PDE4D: variants seen among roughly 807,000 people sequenced by gnomAD.
PDE4D encodes 3',5'-cyclic-AMP phosphodiesterase 4D.
Under a neutral mutation model 87.4 loss-of-function variants are expected in PDE4D, and 24 were observed. The observed-to-expected ratio is 0.27, with a 90% confidence interval of 0.20 to 0.39. The LOEUF (loss-of-function observed/expected upper bound fraction) is 0.39, where lower values mean the gene tolerates loss of function less well. Among genes scored for constraint, PDE4D ranks in the 10% least tolerant of loss-of-function variants. The probability of loss-of-function intolerance (pLI) is 1.00; values close to 1 mark genes in which losing one functional copy is unlikely to be tolerated. For missense variants in PDE4D, 714 were observed against 1,041.0 expected, an observed-to-expected ratio of 0.69 and a Z score of 4.32; for synonymous variants, 384 against 383.2, an observed-to-expected ratio of 1.00 and a Z score of -0.02.
chr5:59,933,594 T>C (rs940659084), intron 3 of PDE4D, among the ~76,000 whole-genome samples: 8 of 152,194 alleles, frequency 5.3e-5, no homozygotes, highest in African/African-American at 1.7e-4. Flanking sequence ...TATTCTTACA[T>C]TCATTTGATA....
intron 1 of PDE4D, among the ~76,000 whole-genome samples, chr5:60,205,979 A>G (rs1480808326): frequency 6.6e-6 from 1 of 152,242 alleles, no homozygotes; most frequent in African/African-American, 2.4e-5. Context: ...CAAACTGCAC[A>G]GTATTCAACT....
chr5:59,002,063 C>T (rs767697866), intron 6 of PDE4D: 40 of 516,336 alleles, frequency 7.7e-5, no homozygotes, highest in Non-Finnish European at 1.4e-4. Context: ...TATTCCTTAC[C>T]ATTACCCCTC....
chr5:59,473,288 G>C (rs571760631), intron 1 of PDE4D, among the ~76,000 whole-genome samples: 3 of 152,088 alleles, frequency 2.0e-5, no homozygotes, highest in African/African-American at 7.2e-5. Flanking sequence ...TCTAATCAAA[G>C]CTTTAATTCT....
In PDE4D at chr5:59,295,243, T is replaced by A. The variant is rs1307539712; in HGVS notation, c.456-79275A>T. On this transcript the variant is annotated intron_variant, in intron 1 of 14. Transcript: ENST00000340635. The stretch of plus-strand genomic sequence containing the variant: ...ACTATTGACTAATAAACTTTTCTAA[T>A]AATCTTCAATTTTATTTTAATAAAA... 2.0e-5 allele frequency among the ~76,000 whole-genome samples: 3 copies of A among 152,224 alleles called. No individual in the cohort carries two copies. In the East Asian group the frequency reaches 5.8e-4, roughly 29 times the overall value.
At chr5:59,253,426 G>C (rs186491058) in intron 1 of PDE4D, among the ~76,000 whole-genome samples, 1 of 151,980 alleles carries the variant, frequency 6.6e-6, no homozygotes, top group African/African-American at 2.4e-5. Flanking sequence ...AATTGGATGC[G>C]GTACTTGTTC....
At chr5:58,992,576 A>T (rs1487450103) in intron 7 of PDE4D, among the ~76,000 whole-genome samples, 3 of 152,174 alleles carry the variant, frequency 2.0e-5, no homozygotes, top group African/African-American at 7.2e-5. Flanking sequence ...ATAGTGAGAT[A>T]AGGGTTAAAT....
In PDE4D at chr5:59,528,731, G is replaced by A. The variant is rs2153678288; in HGVS notation, c.456-312763C>T. The A allele has an allele frequency of 2.4e-5, 4 of 166,442 alleles. No homozygotes were observed. The Admixed American group carries it at 2.5e-4, about 10-fold the overall frequency. 10.3% of individuals were successfully genotyped at this position (166,442 alleles called of 1,614,324 possible). On this transcript the variant is annotated intron_variant, in intron 1 of 14. Coordinates refer to ENST00000340635, the MANE Select transcript of PDE4D (RefSeq NM_001104631.2). The stretch of plus-strand genomic sequence containing the variant: ...GTCTAATGGGGAGTCACTAGAAAAG[G>A]AAAGAGATGTGATGGTATAATGGTA...
At chr5:60,383,188 G>A (rs1466332154) in intron 1 of PDE4D, among the ~76,000 whole-genome samples, 1 of 152,070 alleles carries the variant, frequency 6.6e-6, no homozygotes, top group African/African-American at 2.4e-5. Flanking sequence ...CAAATGAAAT[G>A]AATGCACTAA....
rs188323294 is a variant in PDE4D, at chr5:60,425,406, A to G, written c.-90+62536T>C. Among the ~76,000 whole-genome samples, 148 of 152,322 alleles carry G rather than the reference A, an allele frequency of 9.7e-4. 2 individuals carry two copies. The highest frequency in any genetic ancestry group is 3.5e-3 in the African/African-American group (146 of 41,562). On this transcript the variant is annotated intron_variant, in intron 1 of 16. Coordinates refer to the PDE4D transcript ENST00000502484. ...CATCTACAACCATCTGGTCTTTGAC[A>G]AACCTGACAAAAACAAGAAATGGGG...
chr5:59,224,701 T>C (rs2153513314), intron 1 of PDE4D, among the ~76,000 whole-genome samples: 1 of 152,182 alleles, frequency 6.6e-6, no homozygotes, highest in East Asian at 1.9e-4. Context: ...CTAGAATTCA[T>C]ATGTTAAACG....
At chr5:58,976,709 G>T (rs1006518873) in intron 12 of PDE4D, among the ~76,000 whole-genome samples, 4 of 152,092 alleles carry the variant, frequency 2.6e-5, no homozygotes, top group Non-Finnish European at 5.9e-5. Flanking sequence ...CCACTTTCAT[G>T]GTGAAAAATG....
At chr5:59,402,810 T>C (rs1423565084) in intron 1 of PDE4D, among the ~76,000 whole-genome samples, 5 of 152,030 alleles carry the variant, frequency 3.3e-5, no homozygotes, top group Non-Finnish European at 7.4e-5. Flanking sequence ...TCTAACTGAC[T>C]TTCTATTATG....
At chr5:59,574,091 T>TAAAA (rs1822532846) in intron 1 of PDE4D, among the ~76,000 whole-genome samples, 1 of 5,688 alleles carries the variant, frequency 1.8e-4, no homozygotes, top group African/African-American at 4.3e-4. Context: ...TATTTATATA[T>TAAAA]ATAAATATAT....
intron 2 of PDE4D, among the ~76,000 whole-genome samples, chr5:60,178,789 A>G (rs573483659): frequency 1.2e-4 from 18 of 152,252 alleles, no homozygotes; most frequent in Admixed American, 2.6e-4. Context: ...TAATACATTT[A>G]TCTAAAAGCC....
At chr5:59,707,541 C>T (rs1375483514) in intron 1 of PDE4D, among the ~76,000 whole-genome samples, 1 of 152,034 alleles carries the variant, frequency 6.6e-6, no homozygotes, top group African/African-American at 2.4e-5. Context: ...GGGGTACATG[C>T]ACGGGATGCA....
At chr5:60,073,567 T>G (rs546209868) in intron 2 of PDE4D, among the ~76,000 whole-genome samples, 1 of 152,036 alleles carries the variant, frequency 6.6e-6, no homozygotes, top group East Asian at 1.9e-4. Context: ...CTCCTTAATT[T>G]TTTGGAATAG....
At chr5:58,994,787 C>CA (rs1481323700) in intron 6 of PDE4D, among the ~76,000 whole-genome samples, 2 of 152,048 alleles carry the variant, frequency 1.3e-5, no homozygotes, top group Admixed American at 6.6e-5. Flanking sequence ...TCAAAACAAA[C>CA]AAAAAACCCT....
intron 1 of PDE4D, among the ~76,000 whole-genome samples, chr5:60,437,989 C>A (rs1361506047): frequency 6.6e-6 from 1 of 152,108 alleles, no homozygotes; most frequent in Non-Finnish European, 1.5e-5. Flanking sequence ...TTGTGATTGA[C>A]AGCAGGCAAA....
chr5:59,189,965 T>G (rs1389543570), intron 3 of PDE4D, among the ~76,000 whole-genome samples: 1 of 152,250 alleles, frequency 6.6e-6, no homozygotes, highest in Non-Finnish European at 1.5e-5. Flanking sequence ...GGATCCTTTC[T>G]GAAAATTACT....
Sources: gnomAD v4.1 joint callset for allele counts (sites outside exome capture counted in the v4.1 genomes callset) on GRCh38, gnomAD v4.1.1 for gene constraint, MANE v1.5 for transcripts, NCBI Gene and HGNC (gene_info 2026-07-23, HGNC 2026-07-21) for gene names.